Variants in CLMP observed in about 807,000 individuals in gnomAD.
CLMP encodes CXADR-like membrane protein.
A neutral mutation model predicts 45.2 loss-of-function variants in CLMP; 27 were observed. That is an observed-to-expected ratio of 0.60 (90% CI 0.44 to 0.82). CLMP has a LOEUF of 0.82. CLMP is among the 40% of genes least tolerant of loss of function. The probability of loss-of-function intolerance (pLI) is 0.00; values close to 1 mark genes in which losing one functional copy is unlikely to be tolerated. For synonymous variants in CLMP, 167 were observed against 171.4 expected, an observed-to-expected ratio of 0.97 and a Z score of 0.20; for missense variants, 403 against 448.4, an observed-to-expected ratio of 0.90 and a Z score of 0.91.
chr11:123,159,349 T>C (rs1861455182), intron 1 of CLMP, among the ~76,000 whole-genome samples: 2 of 152,138 alleles, frequency 1.3e-5, no homozygotes, highest in African/African-American at 4.8e-5. Flanking sequence ...GGCCCGGCGA[T>C]GGGGCAAGCC....
chr11:123,124,128 GGTT>G (rs1419420335), intron 1 of CLMP, among the ~76,000 whole-genome samples: 1 of 151,868 alleles, frequency 6.6e-6, no homozygotes, highest in Non-Finnish European at 1.5e-5. Flanking sequence ...ATATTTTTTT[GGTT>G]GTTATTTTTA....
intron 1 of CLMP, among the ~76,000 whole-genome samples, chr11:123,102,453 G>A (rs1460575487): frequency 6.6e-6 from 1 of 151,124 alleles, no homozygotes; most frequent in African/African-American, 2.4e-5. Context: ...GCTAATTTTT[G>A]TATTTTTAGT....
intron 1 of CLMP, among the ~76,000 whole-genome samples, chr11:123,107,164 G>T (rs1860572082): frequency 6.6e-6 from 1 of 151,544 alleles, no homozygotes; most frequent in African/African-American, 2.4e-5. Context: ...GGGCTCAAGT[G>T]ATCCTCCCAC....
intron 1 of CLMP, among the ~76,000 whole-genome samples, chr11:123,127,962 G>T (rs1427763215): frequency 6.7e-6 from 1 of 149,880 alleles, no homozygotes; most frequent in Non-Finnish European, 1.5e-5. Context: ...ACTTGAACCA[G>T]GGAGGCAAAG....
chr11:123,150,499 G>A (rs1360049156), intron 1 of CLMP, among the ~76,000 whole-genome samples: 25 of 119,784 alleles, frequency 2.1e-4, no homozygotes, highest in African/African-American at 6.6e-4. Context: ...AAGGAAGGAA[G>A]GAAGGAAGGA....
intron 1 of CLMP, among the ~76,000 whole-genome samples, chr11:123,172,741 C>A (rs1231308030): frequency 1.3e-5 from 2 of 152,196 alleles, no homozygotes; most frequent in African/African-American, 4.8e-5. Context: ...CTGCCTTGGC[C>A]TCCCAAAGTG....
chr11:123,180,591 G>A (rs1181186198), intron 1 of CLMP, among the ~76,000 whole-genome samples: 16 of 125,954 alleles, frequency 1.3e-4, no homozygotes, highest in Admixed American at 6.0e-4. Flanking sequence ...AAACAGAAAT[G>A]CATAGGAGTA....
At position 123,084,597 on chromosome 11, in the gene CLMP, C is replaced by T. The variant is rs776048110; in HGVS notation, c.303G>A (p.Leu101=). ...AGDASLQIEP[L]KPSDEGRYTC... is the part of the protein sequence containing the mutation. The stretch of plus-strand genomic sequence containing the variant: ...TGTACCGGCCCTCATCACTGGGCTT[C>T]AGAGGTTCAATCTGCAAGGAGGCAT... Residue 101 remains leucine, a synonymous_variant, in exon 3 of 7, where the codon CTG becomes CTA. Coordinates refer to ENST00000448775, the MANE Select transcript of CLMP (RefSeq NM_024769.5). The T allele has an allele frequency of 1.2e-6, 2 of 1,614,190 alleles. No homozygotes were observed. Among genetic ancestry groups the T allele is most frequent in the South Asian group, 1.1e-5 (1 of 91,084 alleles).
rs140433739 is a variant in CLMP at position 123,160,699 on chromosome 11, GGGGTGCAGTGAC to G, written c.28+34202_28+34213del. On this transcript the variant is annotated intron_variant, in intron 1 of 6. Transcript: ENST00000448775. ...TCTTCAAAGAAGTTGACAAGGGGGA[GGGGTGCAGTGAC>G]TCAAGCCTGTAATCCCAGAACTTTG... is the stretch of plus-strand genomic sequence containing the variant. Among the ~76,000 whole-genome samples, 507 of 152,142 alleles carry G rather than the reference GGGGTGCAGTGAC, an allele frequency of 3.3e-3. 12 individuals carry two copies. In the East Asian group the frequency reaches 0.05, roughly 15 times the overall value.
At chr11:123,188,455 TTCC>T (rs71476533) in intron 1 of CLMP, among the ~76,000 whole-genome samples, 5 of 127,980 alleles carry the variant, frequency 3.9e-5, no homozygotes, top group Admixed American at 1.6e-4. Flanking sequence ...CCTCCTCTTC[TTCC>T]TCCTCCTCCT....
At chr11:123,126,928 C>G (rs892683235) in intron 1 of CLMP, among the ~76,000 whole-genome samples, 1 of 151,290 alleles carries the variant, frequency 6.6e-6, no homozygotes, top group Non-Finnish European at 1.5e-5. Context: ...CAGAACTAGT[C>G]TCTTCCCTCA....
chr11:123,106,903 C>T (rs1388258127), intron 1 of CLMP, among the ~76,000 whole-genome samples: 1 of 151,754 alleles, frequency 6.6e-6, no homozygotes, highest in Non-Finnish European at 1.5e-5. Context: ...GCCTGTAGTC[C>T]CAGCTACTCG....
Position 123,073,026 on chromosome 11 carries a change from G to C in CLMP, c.*448C>G, listed in dbSNP as rs1428886697. 6.2e-6 allele frequency: 1 copy of C among 160,770 alleles called. No individual in the cohort carries two copies. The highest frequency in any genetic ancestry group is 1.4e-5 in the Non-Finnish European group (1 of 73,030). 10.0% of individuals were successfully genotyped at this position (160,770 alleles called of 1,614,324 possible). A position where few individuals can be genotyped will look rare whatever the true frequency, so the allele number is the denominator to read the frequency against. On this transcript the variant is annotated 3_prime_UTR_variant, in exon 7 of 7. Coordinates refer to ENST00000448775, the MANE Select transcript of CLMP (RefSeq NM_024769.5). ...CAGGTGTAATAAGGCTGTGGGTTCTGCTTGACTGTCTGAATAACTAATAAT... is the reference window on the plus strand; with the variant it reads ...CAGGTGTAATAAGGCTGTGGGTTCTCCTTGACTGTCTGAATAACTAATAAT...
intron 2 of CLMP, among the ~76,000 whole-genome samples, chr11:123,087,341 A>C (rs769737599): frequency 6.6e-6 from 1 of 151,930 alleles, no homozygotes; most frequent in Non-Finnish European, 1.5e-5. Flanking sequence ...CCGTCTCAAA[A>C]AAAAAAAGAA....
chr11:123,083,185 A>G lies in CLMP; in HGVS notation c.579T>C (p.Val193=). The change falls in exon 5 of 7, where the codon GTT becomes GTC. Residue 193 remains valine, a synonymous_variant. Coordinates refer to ENST00000448775, the MANE Select transcript of CLMP (RefSeq NM_024769.5). ...SRIDYNHPGR[V]LLQNLTMSYS... is the part of the protein sequence containing the mutation. ...AGGACATGGTAAGATTCTGCAGCAG[A>G]ACTCGTCCAGGGTGGTTGTAGTCTG... The G allele has an allele frequency of 6.2e-7, 1 of 1,614,156 alleles. No homozygotes were observed. The highest frequency in any genetic ancestry group is 8.5e-7 in the Non-Finnish European group (1 of 1,180,000).
intron 2 of CLMP, among the ~76,000 whole-genome samples, chr11:123,089,810 C>T (rs999340992): frequency 4.3e-5 from 6 of 140,848 alleles, no homozygotes; most frequent in African/African-American, 1.6e-4. Context: ...GAAAAAGAAA[C>T]AAAACAAGGC....
chr11:123,132,514 A>C (rs12270464), intron 1 of CLMP, among the ~76,000 whole-genome samples: 1 of 151,450 alleles, frequency 6.6e-6, no homozygotes, highest in Non-Finnish European at 1.5e-5. Context: ...GCTGGAGTGC[A>C]GTGGTGCAAT....
chr11:123,175,740 G>A (rs1565404240), intron 1 of CLMP, among the ~76,000 whole-genome samples: 2 of 152,302 alleles, frequency 1.3e-5, no homozygotes, highest in Admixed American at 1.3e-4. Flanking sequence ...ATGAGTCTCC[G>A]TGTCAACTCA....
At chr11:123,179,347 C>G (rs930335475) in intron 1 of CLMP, among the ~76,000 whole-genome samples, 3 of 152,038 alleles carry the variant, frequency 2.0e-5, no homozygotes, top group Non-Finnish European at 4.4e-5. Flanking sequence ...TGGGTGGAGG[C>G]GGGATAGAGA....
Sources: gnomAD v4.1 joint callset for allele counts (sites outside exome capture counted in the v4.1 genomes callset) on GRCh38, gnomAD v4.1.1 for gene constraint, MANE v1.5 for transcripts, NCBI Gene and HGNC (gene_info 2026-07-23, HGNC 2026-07-21) for gene names.